The following PLK1 variants were observed in gnomAD, a reference collection of about 807,000 sequenced individuals.
PLK1 encodes the protein polo like kinase 1.
PLK1 carries 6 observed loss-of-function variants against 56.7 expected under a neutral mutation model. The observed-to-expected ratio is 0.11, with a 90% CI of 0.06 to 0.21. The LOEUF is 0.21. Ranked by LOEUF, PLK1 falls within the 10% of genes least tolerant of loss-of-function variation. The pLI, the probability that PLK1 is intolerant of heterozygous loss-of-function variation, is 1.00. For synonymous variants in PLK1, 298 were observed against 325.0 expected, an observed-to-expected ratio of 0.92 and a Z score of 0.89; for missense variants, 546 against 814.4, an observed-to-expected ratio of 0.67 and a Z score of 4.01.
intron 4 of PLK1, 86 bp downstream of exon 4, chr16:23,682,243 T>C (rs1959344264): frequency 1.3e-6 from 1 of 760,468 alleles, no homozygotes; most frequent in Admixed American, 1.9e-5. Context: ...GGACCAGAAA[T>C]AGGTCTATCC....
chr16:23,681,262 A>G (rs1959326501), intron 3 of PLK1, among the ~76,000 whole-genome samples: 3 of 152,192 alleles, frequency 2.0e-5, no homozygotes, highest in Non-Finnish European at 2.9e-5. Context: ...AGCCTAGGTC[A>G]TGGGTACAGC....
chr16:23,684,572 T>G (rs1408179442), intron 5 of PLK1, among the ~76,000 whole-genome samples: 1 of 152,166 alleles, frequency 6.6e-6, no homozygotes, highest in East Asian at 1.9e-4. Flanking sequence ...CAGGCTGGTC[T>G]TGGAACTCCT....
intron 4 of PLK1, among the ~76,000 whole-genome samples, chr16:23,683,616 C>T (rs533458700): frequency 6.6e-6 from 1 of 152,270 alleles, no homozygotes; most frequent in East Asian, 1.9e-4. Flanking sequence ...GCTTAGAATG[C>T]TTTCCTGGCA....
Position 23,689,720 on chromosome 16 carries a change from T to C in PLK1, c.1608+44T>C. ...GGCGCAGGAGAGAGCTGGGGTAGGCTCCGCATGCCTGGCAGTGGCCCATGT... is the reference window on the plus strand; with the variant it reads ...GGCGCAGGAGAGAGCTGGGGTAGGCCCCGCATGCCTGGCAGTGGCCCATGT... On this transcript the variant is annotated intron_variant, in intron 9 of 9. Transcript: ENST00000300093. This position sits in a 1 kb window ranked among gnomAD's most constrained non-coding sequence, Gnocchi z 4.8. 1 of 1,568,862 alleles carries C rather than the reference T, an allele frequency of 6.4e-7. No individual in the cohort carries two copies. Among genetic ancestry groups the C allele is most frequent in the Non-Finnish European group, 8.7e-7 (1 of 1,153,082 alleles).
chr16:23,681,027 G>C lies in PLK1; in HGVS notation c.691G>C (p.Glu231Gln). ...EVLSKKGHSF[E>Q]VDVWSIGCIM... ...GCTGAGCAAGAAAGGGCACAGTTTC[G>C]AGGTGGATGTGTGGTCCATTGGGTG... Residue 231 changes from glutamate (E) to glutamine (Q), a missense_variant, in exon 3 of 10, where the codon GAG (glutamate) becomes CAG (glutamine). Transcript: ENST00000300093. The C allele has an allele frequency of 1.2e-6, 2 of 1,613,320 alleles. No individual in the cohort carries two copies. Among genetic ancestry groups the C allele is most frequent in the Non-Finnish European group, 1.7e-6 (2 of 1,179,734 alleles).
Position 23,690,122 on chromosome 16 carries a change from T to C in PLK1, c.*59T>C. The C allele has an allele frequency of 7.2e-7, 1 of 1,384,296 alleles. No individual in the cohort carries two copies. The highest frequency in any genetic ancestry group is 1.0e-6 in the Non-Finnish European group (1 of 986,778). 85.8% of individuals were successfully genotyped at this position (1,384,296 alleles called of 1,614,324 possible). A position where few individuals can be genotyped will look rare whatever the true frequency, so the allele number is the denominator to read the frequency against. On this transcript the variant is annotated 3_prime_UTR_variant, in exon 10 of 10. Coordinates refer to ENST00000300093, the MANE Select transcript of PLK1 (RefSeq NM_005030.6). ...CACTCCCACCTGCATCTGGGGCCCA[T>C]ACTGGTTGGCTCCCGCGGTGCCATG...
At chr16:23,682,524 CTTT>C (rs375256991) in intron 4 of PLK1, among the ~76,000 whole-genome samples, 18 of 136,124 alleles carry the variant, frequency 1.3e-4, no homozygotes, top group Admixed American at 1.5e-4. Flanking sequence ...TGGCCTGCAT[CTTT>C]TTTTTTTTTT....
At chr16:23,686,414 T>C (rs571472435) in intron 5 of PLK1, among the ~76,000 whole-genome samples, 7 of 152,354 alleles carry the variant, frequency 4.6e-5, no homozygotes, top group African/African-American at 1.7e-4. Context: ...TTACTAGTTA[T>C]CAACATTTGG....
chr16:23,686,357 C>T (rs1959427213), intron 5 of PLK1, among the ~76,000 whole-genome samples: 1 of 152,064 alleles, frequency 6.6e-6, no homozygotes, highest in Non-Finnish European at 1.5e-5. Flanking sequence ...TTTCAGTTAC[C>T]CGAAGGTGGA....
In PLK1 at chr16:23,688,572, G is replaced by T. The variant is rs1959468605; in HGVS notation, c.1193-96G>T. 8.0e-6 allele frequency: 8 copies of T among 1,005,730 alleles called. No homozygotes were observed. In the East Asian group the frequency reaches 1.7e-4, roughly 21 times the overall value. 62.3% of individuals were successfully genotyped at this position (1,005,730 alleles called of 1,614,324 possible). On this transcript the variant is annotated intron_variant, in intron 6 of 9. Transcript: ENST00000300093. ...CAACTGAGCCCAGGTGGGGTGCCCA[G>T]CAGGCTTCCCTGTTCCCTGGTGTGG...
intron 5 of PLK1, among the ~76,000 whole-genome samples, chr16:23,685,978 A>C (rs1399481128): frequency 6.6e-6 from 1 of 151,936 alleles, no homozygotes; most frequent in Non-Finnish European, 1.5e-5. Context: ...TCTGAAATAG[A>C]CTCATGGATA....
chr16:23,684,200 G>T (rs1959388315), intron 5 of PLK1, 111 bp downstream of exon 5: 4 of 771,952 alleles, frequency 5.2e-6, no homozygotes, highest in Admixed American at 2.3e-5. Context: ...AGTAGGACAG[G>T]CCTCTGTCCT....
In PLK1 at chr16:23,678,903, G is replaced by A. The variant is rs1555465411; in HGVS notation, c.-30G>A. The A allele has an allele frequency of 1.4e-6, 2 of 1,469,470 alleles. No homozygotes were observed. The highest frequency in any genetic ancestry group is 1.8e-6 in the Non-Finnish European group (2 of 1,108,970). The allele number at this position is 1,469,470 out of a possible 1,614,324, so 91.0% of individuals were successfully genotyped here. A position where few individuals can be genotyped will look rare whatever the true frequency, so the allele number is the denominator to read the frequency against. On this transcript the variant is annotated 5_prime_UTR_variant, in exon 1 of 10. Transcript: ENST00000300093. Reference sequence around the variant, plus strand: ...CGGAGCGGTGCGGAGGCTCTGCTCGGATCGAGGTCTGCAGCGCAGCTTCGG... The same window carrying A: ...CGGAGCGGTGCGGAGGCTCTGCTCGAATCGAGGTCTGCAGCGCAGCTTCGG...
Position 23,689,570 on chromosome 16 carries a change from A to T in PLK1, c.1502A>T (p.Glu501Val). The change falls in exon 9 of 10, where the codon GAA (glutamate) becomes GTA (valine). Residue 501 changes from glutamate to valine, a missense_variant. Physicochemically the swap from Glu to Val is moderately radical, Grantham distance 121 (BLOSUM62 -2). Around this residue, in one of 7 missense-constraint regions of PLK1, gnomAD observed 113 missense variants for 202.0 expected, o/e 0.56. Transcript: ENST00000300093. The surrounding 1 kb of genome is among the most constrained non-coding windows in gnomAD (Gnocchi z 4.8). The part of the protein sequence containing the change: ...LKAGANITPR[E>V]GDELARLPYL... The stretch of plus-strand genomic sequence containing the variant: ...GCAGGTGCCAACATCACGCCGCGCG[A>T]AGGTGATGAGCTCGCCCGGCTGCCC... The T allele has an allele frequency of 6.2e-7, 1 of 1,613,748 alleles. No individual in the cohort carries two copies. Among genetic ancestry groups the T allele is most frequent in the Non-Finnish European group, 8.5e-7 (1 of 1,179,964 alleles).
Position 23,690,183 on chromosome 16 carries a change from G to T in PLK1, c.*120G>T. On this transcript the variant is annotated 3_prime_UTR_variant, in exon 10 of 10. Transcript: ENST00000300093. The stretch of plus-strand genomic sequence containing the variant: ...GCCCCCCAGCCCCGGTGGCTGGGCA[G>T]AGCTGCATCATCCTTGCAGGTGGGG... The T allele has an allele frequency of 1.3e-6, 1 of 758,060 alleles. No homozygotes were observed. The highest frequency in any genetic ancestry group is 2.3e-6 in the Non-Finnish European group (1 of 436,174). The allele number at this position is 758,060 out of a possible 1,614,324, so 47.0% of individuals were successfully genotyped here.
At chr16:23,681,933 G>T in intron 3 of PLK1, 131 bp from the exon 4 acceptor site, 1 of 633,054 alleles carries the variant, frequency 1.6e-6, no homozygotes, top group Middle Eastern at 4.4e-4. Flanking sequence ...CTTAGGGATT[G>T]TCTTCAGGGG....
intron 1 of PLK1, chr16:23,679,871 T>G (rs2140997364): frequency 2.0e-6 from 1 of 511,962 alleles, no homozygotes; most frequent in East Asian, 3.1e-5. Context: ...CGAATGGTTG[T>G]GGACAGTGTT....
chr16:23,679,335 C>T lies in PLK1; in HGVS notation c.403C>T (p.Arg135Trp), dbSNP rs768801966. 1 of 1,610,450 alleles carries T rather than the reference C, an allele frequency of 6.2e-7. No homozygotes were observed. The highest frequency in any genetic ancestry group is 8.5e-7 in the Non-Finnish European group (1 of 1,177,926). ...GTTCGTGGTGTTGGAGCTCTGCCGC[C>T]GGAGGGTGAGTGTCGCTGCTGGGGA... ...FVFVVLELCR[R>W]RSLLELHKRR... Residue 135 changes from arginine to tryptophan, a missense_variant, in exon 1 of 10, where the codon CGG (arginine) becomes TGG (tryptophan). Physicochemically the swap from Arg to Trp is moderately radical, Grantham distance 101. Transcript: ENST00000300093.
chr16:23,688,400 A>G (rs1479032477), intron 6 of PLK1, among the ~76,000 whole-genome samples: 1 of 152,220 alleles, frequency 6.6e-6, no homozygotes, highest in Non-Finnish European at 1.5e-5. Context: ...GTAGGCCTTC[A>G]GTAAATGGGT....
Sources: allele counts gnomAD v4.1 joint callset (sites outside exome capture counted in the v4.1 genomes callset), GRCh38; gene constraint gnomAD v4.1.1; regional missense constraint gnomAD v4.1.1; non-coding constraint Gnocchi (gnomAD v3.1); transcripts MANE v1.5; gene names NCBI Gene and HGNC (gene_info 2026-07-23, HGNC 2026-07-21).